The following KLHL1 variants were observed in gnomAD, a reference collection of about 807,000 sequenced individuals.
The protein encoded by KLHL1 is kelch-like protein 1.
In KLHL1, 47 loss-of-function variants were observed where a neutral mutation model predicts 77.7. The ratio of observed to expected loss-of-function variants is 0.60; its 90% CI spans 0.48 to 0.77. KLHL1 has a LOEUF of 0.77. KLHL1 is among the 30% of genes least tolerant of loss of function. The pLI is 0.00. For missense variants in KLHL1, 925 were observed against 910.8 expected (o/e 1.02, Z -0.20); for synonymous variants, 360 against 325.2 (o/e 1.11, Z -1.15).
chr13:69,949,747 A>T (rs995929558), intron 3 of KLHL1, among the ~76,000 whole-genome samples: 14 of 151,068 alleles, frequency 9.3e-5, no homozygotes, highest in African/African-American at 3.4e-4. Context: ...ATTTCACAGG[A>T]TTTTTTGAAT....
intron 1 of KLHL1, among the ~76,000 whole-genome samples, chr13:70,106,372 T>C (rs1399533059): frequency 6.6e-6 from 1 of 152,214 alleles, no homozygotes; most frequent in Non-Finnish European, 1.5e-5. Flanking sequence ...TGGTTTAGAA[T>C]AGTAATGAGT....
intron 5 of KLHL1, among the ~76,000 whole-genome samples, chr13:69,867,470 T>C (rs1000687185): frequency 2.0e-5 from 3 of 151,988 alleles, no homozygotes; most frequent in Non-Finnish European, 4.4e-5. Flanking sequence ...TAAACAACAC[T>C]GGAAAAATAA....
At chr13:69,855,572 C>T (rs979838683) in intron 5 of KLHL1, among the ~76,000 whole-genome samples, 2 of 151,634 alleles carry the variant, frequency 1.3e-5, no homozygotes, top group Non-Finnish European at 2.9e-5. Context: ...TTTTTCTGCT[C>T]ATGATAGTGA....
chr13:69,898,049 C>T (rs1881711854), intron 4 of KLHL1, among the ~76,000 whole-genome samples: 1 of 152,150 alleles, frequency 6.6e-6, no homozygotes, highest in Non-Finnish European at 1.5e-5. Flanking sequence ...AAGAAGTGGT[C>T]ATTGGGTGCC....
chr13:70,076,525 C>A (rs1327238380), intron 1 of KLHL1, among the ~76,000 whole-genome samples: 1 of 149,108 alleles, frequency 6.7e-6, no homozygotes, highest in Non-Finnish European at 1.5e-5. Context: ...CATTAGCAAA[C>A]AATATAGGAG....
chr13:69,998,902 T>C (rs1885220052), intron 1 of KLHL1, among the ~76,000 whole-genome samples: 1 of 152,012 alleles, frequency 6.6e-6, no homozygotes, highest in African/African-American at 2.4e-5. Context: ...CTCTGGCTTC[T>C]TAGTGGCTTT....
chr13:69,721,926 T>G (rs1243922957), intron 8 of KLHL1, among the ~76,000 whole-genome samples: 2 of 152,024 alleles, frequency 1.3e-5, no homozygotes, highest in Non-Finnish European at 2.9e-5. Context: ...AGTGAAATAA[T>G]CATTCACTTA....
At chr13:69,903,627 A>ATTTTTTTTTTT (rs1205848050) in intron 4 of KLHL1, among the ~76,000 whole-genome samples, 2 of 40,234 alleles carry the variant, frequency 5.0e-5, no homozygotes, top group African/African-American at 1.8e-4. Context: ...CCTTGTTCAC[A>ATTTTTTTTTTT]TTCTTTTTTT....
rs67195697 is a variant in KLHL1, at chr13:69,934,962, G to GTATATATATATATATA, written c.1014+5062_1014+5077dup. Among the ~76,000 whole-genome samples the GTATATATATATATATA allele has an allele frequency of 8.1e-3, 1,046 of 129,514 alleles. 17 individuals carry two copies. Among genetic ancestry groups the GTATATATATATATATA allele is most frequent in the East Asian group, 0.024 (88 of 3,736 alleles). 85.0% of individuals were successfully genotyped at this position (129,514 alleles called of 152,430 possible). On this transcript the variant is annotated intron_variant, in intron 4 of 10. Coordinates refer to ENST00000377844, the MANE Select transcript of KLHL1 (RefSeq NM_020866.3). ...AAATTTACCGTGTGTGTGTGCATGT[G>GTATATATATATATATA]TATATATATATATATATATATATAT...
chr13:69,950,204 G>A (rs60660711), intron 3 of KLHL1, among the ~76,000 whole-genome samples: 19,431 of 151,500 alleles, frequency 0.13, 1,932 homozygotes, highest in East Asian at 0.29. Flanking sequence ...GTCATTATTC[G>A]TTCTATTTCT....
At chr13:69,786,026 C>T (rs147438182) in intron 7 of KLHL1, among the ~76,000 whole-genome samples, 5 of 151,790 alleles carry the variant, frequency 3.3e-5, no homozygotes, top group Admixed American at 3.3e-4. Flanking sequence ...CAGCTTACCC[C>T]CCAAAAAGAG....
intron 6 of KLHL1, among the ~76,000 whole-genome samples, chr13:69,832,257 G>T (rs1313015816): frequency 6.7e-6 from 1 of 149,824 alleles, no homozygotes; most frequent in African/African-American, 2.5e-5. Flanking sequence ...AAAGTTTCAG[G>T]ATACAAAATC....
intron 4 of KLHL1, among the ~76,000 whole-genome samples, chr13:69,933,407 T>C (rs1883069421): frequency 6.6e-6 from 1 of 152,194 alleles, no homozygotes; most frequent in South Asian, 2.1e-4. Flanking sequence ...AGGCAAACTC[T>C]AATTTATGGT....
intron 8 of KLHL1, among the ~76,000 whole-genome samples, chr13:69,726,123 AG>A (rs1459596917): frequency 2.0e-5 from 3 of 152,196 alleles, no homozygotes; most frequent in Non-Finnish European, 4.4e-5. Flanking sequence ...TTTCAAGGAA[AG>A]TGCACAGAAA....
At chr13:69,835,513 C>T (rs891141242) in intron 6 of KLHL1, among the ~76,000 whole-genome samples, 1 of 152,068 alleles carries the variant, frequency 6.6e-6, no homozygotes, top group Non-Finnish European at 1.5e-5. Context: ...ACCAGAGATG[C>T]TGCATTAAGC....
At chr13:70,030,809 G>C (rs935513395) in intron 1 of KLHL1, among the ~76,000 whole-genome samples, 1 of 152,132 alleles carries the variant, frequency 6.6e-6, no homozygotes, top group Non-Finnish European at 1.5e-5. Flanking sequence ...CCAGGAGCTG[G>C]TTATTTGAAA....
At chr13:69,906,358 A>G (rs1254093025) in intron 4 of KLHL1, among the ~76,000 whole-genome samples, 1 of 152,000 alleles carries the variant, frequency 6.6e-6, no homozygotes. Context: ...AGTTATAAGA[A>G]GAATCTCTGT....
At position 69,956,295 on chromosome 13, in the gene KLHL1, T is replaced by A. The variant is rs538373840; in HGVS notation, c.817+5013A>T. On this transcript the variant is annotated intron_variant, in intron 3 of 10. Coordinates refer to ENST00000377844, the MANE Select transcript of KLHL1 (RefSeq NM_020866.3). ...AAGGAACATGTATAATTCAGCATAT[T>A]GTTTTTCAGACCCCATCATAAGGCA... 6.6e-5 allele frequency among the ~76,000 whole-genome samples: 10 copies of A among 150,470 alleles called. No individual in the cohort carries two copies. The South Asian group carries it at 2.1e-3, about 31-fold the overall frequency.
intron 1 of KLHL1, among the ~76,000 whole-genome samples, chr13:70,077,524 C>A (rs895893524): frequency 6.6e-6 from 1 of 150,998 alleles, no homozygotes; most frequent in Non-Finnish European, 1.5e-5. Flanking sequence ...TAAAATAATA[C>A]ATGAAATTAT....
Sources: allele counts gnomAD v4.1 joint callset (sites outside exome capture counted in the v4.1 genomes callset), GRCh38; gene constraint gnomAD v4.1.1; transcripts MANE v1.5; gene names NCBI Gene and HGNC (gene_info 2026-07-23, HGNC 2026-07-21).